SLC24A2: variants seen among roughly 807,000 people sequenced by gnomAD.
SLC24A2 encodes sodium/potassium/calcium exchanger 2.
A neutral mutation model predicts 62.0 loss-of-function variants in SLC24A2; 36 were observed. The observed-to-expected ratio is 0.58, with a 90% CI of 0.44 to 0.77. SLC24A2 has a LOEUF of 0.77. Among genes scored for constraint, SLC24A2 ranks in the 30% least tolerant of loss-of-function variants. SLC24A2 has a pLI of 0.00. For synonymous variants in SLC24A2, 358 were observed against 294.0 expected (o/e 1.22, Z -2.23); for missense variants, 846 against 817.9 (o/e 1.03, Z -0.42).
At chr9:19,647,933 G>C (rs1231127143) in intron 2 of SLC24A2, among the ~76,000 whole-genome samples, 2 of 152,168 alleles carry the variant, frequency 1.3e-5, no homozygotes, top group African/African-American at 2.4e-5. Flanking sequence ...TGAATCCTGA[G>C]TTTGAACTTC....
chr9:19,984,878 T>C, the SLC24A2 span, among the ~76,000 whole-genome samples: 1 of 152,118 alleles, frequency 6.6e-6, no homozygotes, highest in Non-Finnish European at 1.5e-5. Flanking sequence ...CCGAAATATT[T>C]AAGGGGCAAG....
chr9:20,122,979 C>T, the SLC24A2 span, among the ~76,000 whole-genome samples: 1 of 152,192 alleles, frequency 6.6e-6, no homozygotes, highest in African/African-American at 2.4e-5. Context: ...GCAACATCTA[C>T]TGATCACCCA....
chr9:19,686,950 C>T (rs1186145524), intron 2 of SLC24A2, among the ~76,000 whole-genome samples: 1 of 152,052 alleles, frequency 6.6e-6, no homozygotes. Context: ...TACCATGCAG[C>T]CATAAAAAAG....
At chr9:20,128,872 T>C in the SLC24A2 span, among the ~76,000 whole-genome samples, 23 of 152,046 alleles carry the variant, frequency 1.5e-4, 1 homozygote, top group African/African-American at 5.6e-4. Flanking sequence ...TCTTCACGAC[T>C]TTGGATTTAG....
At chr9:20,069,364 C>G in the SLC24A2 span, among the ~76,000 whole-genome samples, 1 of 152,214 alleles carries the variant, frequency 6.6e-6, no homozygotes, top group East Asian at 1.9e-4. Flanking sequence ...GTAATCTTCC[C>G]GTGACAGCAC....
At chr9:19,530,361 A>G (rs13296117) in intron 8 of SLC24A2, among the ~76,000 whole-genome samples, 1 of 152,186 alleles carries the variant, frequency 6.6e-6, no homozygotes, top group African/African-American at 2.4e-5. Flanking sequence ...ATGTATGAGG[A>G]CAATGAAAAG....
At chr9:19,885,415 G>A in the SLC24A2 span, among the ~76,000 whole-genome samples, 1 of 152,176 alleles carries the variant, frequency 6.6e-6, no homozygotes, top group African/African-American at 2.4e-5. Flanking sequence ...ATGCTTTAAT[G>A]TATAGAGAAC....
chr9:19,629,657 T>C (rs1785057465), intron 2 of SLC24A2, among the ~76,000 whole-genome samples: 1 of 152,188 alleles, frequency 6.6e-6, no homozygotes, highest in Admixed American at 6.6e-5. Flanking sequence ...AGCTCAGCAG[T>C]AGGTGGGAAA....
chr9:19,585,609 A>G (rs1836349888), intron 5 of SLC24A2, among the ~76,000 whole-genome samples: 1 of 152,204 alleles, frequency 6.6e-6, no homozygotes. Context: ...ATATGCATGT[A>G]TACTGAATCA....
At chr9:20,224,064 TG>T in the SLC24A2 span, among the ~76,000 whole-genome samples, 1 of 152,102 alleles carries the variant, frequency 6.6e-6, no homozygotes, top group South Asian at 2.1e-4. Flanking sequence ...AAAAACAGCA[TG>T]AGGAAACTGC....
the SLC24A2 span, among the ~76,000 whole-genome samples, chr9:20,206,829 C>T: frequency 1.3e-5 from 2 of 150,264 alleles, no homozygotes; most frequent in Non-Finnish European, 3.0e-5. Flanking sequence ...GTTTTAAGTT[C>T]TAACATAACA....
At chr9:20,046,789 C>G in the SLC24A2 span, among the ~76,000 whole-genome samples, 1 of 152,186 alleles carries the variant, frequency 6.6e-6, no homozygotes. Flanking sequence ...ATCTCATTAG[C>G]TATTTGATAT....
At chr9:20,194,996 C>G in the SLC24A2 span, among the ~76,000 whole-genome samples, 5 of 152,128 alleles carry the variant, frequency 3.3e-5, no homozygotes, top group South Asian at 1.0e-3. Context: ...ATCCGTAAAC[C>G]ATGTAAATTA....
chr9:19,806,102 A>G, the SLC24A2 span, among the ~76,000 whole-genome samples: 11 of 152,184 alleles, frequency 7.2e-5, no homozygotes, highest in African/African-American at 2.7e-4. Flanking sequence ...CTGACTAAAA[A>G]GAGTTAATTT....
chr9:19,862,796 T>C, the SLC24A2 span, among the ~76,000 whole-genome samples: 7 of 151,950 alleles, frequency 4.6e-5, no homozygotes, highest in African/African-American at 1.7e-4. Context: ...AGATAGTATT[T>C]GCAAGCCTCA....
intron 4 of SLC24A2, among the ~76,000 whole-genome samples, chr9:19,614,376 A>G (rs114040246): frequency 0.012 from 1,798 of 152,290 alleles, 41 homozygotes; most frequent in African/African-American, 0.041. Context: ...CTGTTCAGCT[A>G]TGTTTGAACT....
the SLC24A2 span, among the ~76,000 whole-genome samples, chr9:19,867,733 C>A: frequency 6.6e-6 from 1 of 152,106 alleles, no homozygotes; most frequent in South Asian, 2.1e-4. Flanking sequence ...CATGGTGAAA[C>A]CCCGTCTCTA....
At chr9:19,859,449 T>A in the SLC24A2 span, among the ~76,000 whole-genome samples, 13 of 152,072 alleles carry the variant, frequency 8.5e-5, no homozygotes, top group Non-Finnish European at 1.6e-4. Flanking sequence ...CCCCAAGACA[T>A]GCAGTTTACC....
chr9:19,945,530 A>T, the SLC24A2 span, among the ~76,000 whole-genome samples: 1 of 152,150 alleles, frequency 6.6e-6, no homozygotes, highest in African/African-American at 2.4e-5. Flanking sequence ...AAAAGGGGTA[A>T]TTCTCCCTTT....
Sources: allele counts gnomAD v4.1 joint callset (sites outside exome capture counted in the v4.1 genomes callset), GRCh38; gene constraint gnomAD v4.1.1; transcripts MANE v1.5; gene names NCBI Gene and HGNC (gene_info 2026-07-23, HGNC 2026-07-21).